RERE: variants seen among roughly 807,000 people sequenced by gnomAD.
RERE encodes the protein arginine-glutamic acid dipeptide repeats protein.
RERE carries 40 observed loss-of-function variants against 146.1 expected under a neutral mutation model. The observed-to-expected ratio is 0.27, with a 90% CI of 0.21 to 0.36. RERE has a LOEUF of 0.36. RERE is among the 10% of genes least tolerant of loss of function. The pLI is 1.00. For missense variants in RERE, 1,933 were observed against 2,138.7 expected (o/e 0.90, Z 1.90); for synonymous variants, 1,003 against 866.0 (o/e 1.16, Z -2.78).
At chr1:8,411,317 C>CTTT (rs35754702) in intron 12 of RERE, among the ~76,000 whole-genome samples, 66 of 139,954 alleles carry the variant, frequency 4.7e-4, no homozygotes, top group Non-Finnish European at 6.4e-4. Flanking sequence ...GGCTTCAAGT[C>CTTT]TTTTTTTTTT....
At chr1:8,650,925 A>G (rs964671995) in intron 2 of RERE, among the ~76,000 whole-genome samples, 1 of 150,528 alleles carries the variant, frequency 6.6e-6, no homozygotes, top group African/African-American at 2.4e-5. Context: ...ATTAAATTAA[A>G]TAAATAAATA....
intron 10 of RERE, among the ~76,000 whole-genome samples, chr1:8,491,844 A>T (rs1644983423): frequency 6.6e-6 from 1 of 152,212 alleles, no homozygotes; most frequent in Non-Finnish European, 1.5e-5. Context: ...AAACTGATAA[A>T]TGCCTAACCT....
chr1:8,450,706 A>G (rs761671904), intron 11 of RERE, among the ~76,000 whole-genome samples: 7 of 152,120 alleles, frequency 4.6e-5, no homozygotes, highest in Non-Finnish European at 1.0e-4. Flanking sequence ...CAACAGTAGC[A>G]ATCCTGTCTC....
chr1:8,720,510 A>G (rs1407219573), intron 1 of RERE, among the ~76,000 whole-genome samples: 1 of 152,186 alleles, frequency 6.6e-6, no homozygotes, highest in Non-Finnish European at 1.5e-5. Flanking sequence ...AGAGAGACAG[A>G]CAGACAGAGT....
At chr1:8,659,475 T>C (rs1638405985) in intron 1 of RERE, among the ~76,000 whole-genome samples, 1 of 152,252 alleles carries the variant, frequency 6.6e-6, no homozygotes. Context: ...GAGAATCGTA[T>C]GAACCCAGGA....
At chr1:8,490,577 G>A (rs1644967856) in intron 10 of RERE, among the ~76,000 whole-genome samples, 1 of 150,202 alleles carries the variant, frequency 6.7e-6, no homozygotes, top group East Asian at 1.9e-4. Context: ...AAAAAATTGT[G>A]AATATGCATA....
intron 11 of RERE, among the ~76,000 whole-genome samples, chr1:8,427,049 T>G (rs1295057616): frequency 6.6e-6 from 1 of 152,170 alleles, no homozygotes; most frequent in East Asian, 1.9e-4. Context: ...AACGATGAGG[T>G]CTCACTATAT....
chr1:8,775,297 A>G (rs1462783118), intron 1 of RERE, among the ~76,000 whole-genome samples: 1 of 152,186 alleles, frequency 6.6e-6, no homozygotes, highest in African/African-American at 2.4e-5. Context: ...CTGGGCCGGG[A>G]ACAGTGGCTC....
At chr1:8,763,205 C>CA (rs1640787050) in intron 1 of RERE, among the ~76,000 whole-genome samples, 1 of 151,698 alleles carries the variant, frequency 6.6e-6, no homozygotes, top group Non-Finnish European at 1.5e-5. Flanking sequence ...TACAACTCTG[C>CA]AAAAAATCAT....
intron 7 of RERE, among the ~76,000 whole-genome samples, chr1:8,535,975 G>A (rs912459787): frequency 4.0e-5 from 6 of 151,482 alleles, no homozygotes; most frequent in Admixed American, 2.0e-4. Context: ...GAGTGGTGGC[G>A]GGTGCCTGTA....
At chr1:8,750,701 G>A in intron 1 of RERE, 1 of 819,342 alleles carries the variant, frequency 1.2e-6, no homozygotes. Flanking sequence ...ATTGGCCTTT[G>A]TCATCAGGAC....
chr1:8,488,309 G>C (rs935078253), intron 10 of RERE, among the ~76,000 whole-genome samples: 1 of 151,960 alleles, frequency 6.6e-6, no homozygotes, highest in Non-Finnish European at 1.5e-5. Flanking sequence ...GCAATGGCAC[G>C]GTTTCGGCTG....
intron 1 of RERE, among the ~76,000 whole-genome samples, chr1:8,703,917 C>T (rs1639511387): frequency 6.6e-6 from 1 of 152,204 alleles, no homozygotes; most frequent in Non-Finnish European, 1.5e-5. Flanking sequence ...ATTAAGAATT[C>T]TCTGCAAGCC....
intron 10 of RERE, among the ~76,000 whole-genome samples, chr1:8,487,141 A>C (rs1557654000): frequency 6.6e-6 from 1 of 152,226 alleles, no homozygotes; most frequent in Non-Finnish European, 1.5e-5. Flanking sequence ...AATGTAATTC[A>C]CTATATTAAC....
At chr1:8,640,432 T>C (rs938258596) in intron 2 of RERE, among the ~76,000 whole-genome samples, 17 of 152,204 alleles carry the variant, frequency 1.1e-4, no homozygotes, top group Admixed American at 9.2e-4. Flanking sequence ...CTTTTAAAGT[T>C]TGGTTTATCA....
chr1:8,617,353 A>AAAAAAAAAAAAAAG (rs1646866169), intron 3 of RERE, among the ~76,000 whole-genome samples: 1 of 149,268 alleles, frequency 6.7e-6, no homozygotes, highest in Non-Finnish European at 1.5e-5. Context: ...CAAAAAAAAA[A>AAAAAAAAAAAAAAG]AAAAGAATTC....
chr1:8,757,246 TTA>T (rs575344951), intron 1 of RERE, among the ~76,000 whole-genome samples: 126 of 152,290 alleles, frequency 8.3e-4, no homozygotes, highest in African/African-American at 2.8e-3. Context: ...CCTATTTCTG[TTA>T]AATAAAATTC....
intron 2 of RERE, among the ~76,000 whole-genome samples, chr1:8,654,625 G>GTTTTT (rs1457159066): frequency 1.4e-5 from 2 of 148,130 alleles, no homozygotes; most frequent in African/African-American, 5.0e-5. Context: ...AAAGGATCTT[G>GTTTTT]TTTTGTTTTT....
At chr1:8,508,595 C>T in intron 8 of RERE, 32 bp downstream of exon 8, 3 of 1,540,848 alleles carry the variant, frequency 1.9e-6, no homozygotes, top group South Asian at 1.1e-5. Flanking sequence ...GAAACAAAAA[C>T]CTATTAAGGA....
Sources: allele counts gnomAD v4.1 joint callset (sites outside exome capture counted in the v4.1 genomes callset), GRCh38; gene constraint gnomAD v4.1.1; transcripts MANE v1.5; gene names NCBI Gene and HGNC (gene_info 2026-07-23, HGNC 2026-07-21).